PSEN2: variants seen among roughly 807,000 people sequenced by gnomAD.
PSEN2 encodes the protein presenilin-2.
A neutral mutation model predicts 49.1 loss-of-function variants in PSEN2; 32 were observed. The ratio of observed to expected loss-of-function variants is 0.65; its 90% CI spans 0.49 to 0.88. The LOEUF (loss-of-function observed/expected upper bound fraction) is 0.88, where lower values mean the gene tolerates loss of function less well. Ranked by LOEUF, PSEN2 falls within the 40% of genes least tolerant of loss-of-function variation. The pLI, the probability that PSEN2 is intolerant of heterozygous loss-of-function variation, is 0.00. For synonymous variants in PSEN2, 255 were observed against 244.0 expected (o/e 1.05, Z -0.42); for missense variants, 522 against 586.9 (o/e 0.89, Z 1.14).
rs117399735 is a variant in PSEN2, at chr1:226,889,841, T to G, written c.788-194T>G. On this transcript the variant is annotated intron_variant, in intron 8 of 12. Coordinates refer to ENST00000366783, the MANE Select transcript of PSEN2 (RefSeq NM_000447.3). ...GTGCACAGCTCCTCCATGCTTGCAG[T>G]TGCCTGCGAGGCCCTACTCTGGCTC... Among the ~76,000 whole-genome samples, 91 of 152,344 alleles carry G rather than the reference T, an allele frequency of 6.0e-4. 1 individual carries two copies. The East Asian group carries it at 0.016, about 27-fold the overall frequency.
At position 226,887,736 on chromosome 1, in the gene PSEN2, C is replaced by T. The variant is rs752290570; in HGVS notation, c.499-355C>T. Among the ~76,000 whole-genome samples, 28 of 152,172 alleles carry T rather than the reference C, an allele frequency of 1.8e-4. No individual in the cohort carries two copies. In the East Asian group the frequency reaches 2.1e-3, roughly 12 times the overall value. On this transcript the variant is annotated intron_variant, in intron 6 of 12. Transcript: ENST00000366783. Reference sequence around the variant, plus strand: ...ACCCCTCACACTGGAACACAATGCCCGTGGGCAGAGACTTTGCTAGCCTTG... The same window carrying T: ...ACCCCTCACACTGGAACACAATGCCTGTGGGCAGAGACTTTGCTAGCCTTG...
chr1:226,901,888 A>G (rs974088786), intron 12 of PSEN2, among the ~76,000 whole-genome samples: 3 of 152,220 alleles, frequency 2.0e-5, no homozygotes, highest in African/African-American at 7.2e-5. Flanking sequence ...AGGAAGGCCA[A>G]GGAAGAGTCT....
At position 226,891,838 on chromosome 1, in the gene PSEN2, G is replaced by A. The variant is rs1304206650; in HGVS notation, c.1066G>A (p.Glu356Lys). The A allele has an allele frequency of 6.2e-7, 1 of 1,613,952 alleles. No individual in the cohort carries two copies. The highest frequency in any genetic ancestry group is 2.2e-5 in the East Asian group (1 of 44,878). The change falls in exon 11 of 13, where the codon GAG becomes AAG. Residue 356 changes from glutamate to lysine, a missense_variant. Coordinates refer to ENST00000366783, the MANE Select transcript of PSEN2 (RefSeq NM_000447.3). Reference sequence around the variant, plus strand: ...CCCAGGGGAGGAGCTGGAGGAAGAGGAGGAAAGTAAGGTGCCCATGTTCAC... The same window carrying A: ...CCCAGGGGAGGAGCTGGAGGAAGAGAAGGAAAGTAAGGTGCCCATGTTCAC... ...GYPGEELEEE[E>K]ERGVKLGLGD...
chr1:226,897,447 G>C (rs1662187900), downstream of PSEN2: 1 of 154,694 alleles, frequency 6.5e-6, no homozygotes, highest in Non-Finnish European at 1.5e-5. Flanking sequence ...GTGATGGTTA[G>C]GGTGAAGTGT....
chr1:226,880,629 C>T (rs201788938), intron 3 of PSEN2: 38 of 1,612,520 alleles, frequency 2.4e-5, no homozygotes, highest in Non-Finnish European at 2.6e-5. Context: ...ATAACTCAGC[C>T]TCTGTCCCCG....
chr1:226,900,031 A>C (rs1202888343), downstream of PSEN2, among the ~76,000 whole-genome samples: 2 of 152,210 alleles, frequency 1.3e-5, no homozygotes, highest in Non-Finnish European at 2.9e-5. Context: ...ATACGTGGTT[A>C]TGGCGTGTCT....
intron 8 of PSEN2, among the ~76,000 whole-genome samples, chr1:226,889,809 G>GTC (rs2102686293): frequency 6.6e-6 from 1 of 152,314 alleles, no homozygotes; most frequent in South Asian, 2.1e-4. Context: ...TGGCCACCGC[G>GTC]TCTCGGGTGC....
chr1:226,881,807 C>A (rs542091913), intron 3 of PSEN2, 81 bp from the exon 4 acceptor site: 1 of 1,514,646 alleles, frequency 6.6e-7, no homozygotes, highest in Non-Finnish European at 9.2e-7. Flanking sequence ...GTCTCCAGGT[C>A]GCCTCCAGCC....
At chr1:226,902,008 G>A (rs912276616) in intron 12 of PSEN2, among the ~76,000 whole-genome samples, 2 of 152,318 alleles carry the variant, frequency 1.3e-5, no homozygotes, top group South Asian at 2.1e-4. Context: ...AGGTAGGGAA[G>A]GGGCCGCATC....
Position 226,880,545 on chromosome 1 carries a change from AGACAGCGATCACTCAGCCTCTG to A in PSEN2, c.-20-1289_-20-1268del, listed in dbSNP as rs1423439902. The A allele has an allele frequency of 1.0e-2, 10,953 of 1,098,928 alleles. 980 individuals carry two copies. In the African/African-American group the frequency reaches 0.18, roughly 18 times the overall value. The allele number at this position is 1,098,928 out of a possible 1,614,324, so 68.1% of individuals were successfully genotyped here. A position where few individuals can be genotyped will look rare whatever the true frequency, so the allele number is the denominator to read the frequency against. ...GACAGCGATCACTCAGCCTCTGGACAGACAGCGATCACTCAGCCTCTGGACAGCGATCACTCAGCCTCTGGAC... is the reference window on the plus strand; with the variant it reads ...GACAGCGATCACTCAGCCTCTGGACAGACAGCGATCACTCAGCCTCTGGAC... On this transcript the variant is annotated intron_variant, in intron 3 of 12. Transcript: ENST00000366783.
chr1:226,889,619 T>G (rs971547678), intron 8 of PSEN2, among the ~76,000 whole-genome samples: 2 of 152,246 alleles, frequency 1.3e-5, no homozygotes, highest in Admixed American at 6.5e-5. Context: ...AAGTGCACTG[T>G]TAAGCACTGG....
At chr1:226,895,161 C>G (rs1662049757) in intron 12 of PSEN2, among the ~76,000 whole-genome samples, 1 of 152,214 alleles carries the variant, frequency 6.6e-6, no homozygotes, top group African/African-American at 2.4e-5. Context: ...GCAGCACGGC[C>G]TCGGGGCACA....
intron 3 of PSEN2, among the ~76,000 whole-genome samples, chr1:226,878,232 A>C (rs953848485): frequency 6.6e-6 from 1 of 152,048 alleles, no homozygotes. Flanking sequence ...GGTGCCTGCC[A>C]CCATGTCCAG....
At position 226,888,825 on chromosome 1, in the gene PSEN2, G is replaced by A. The variant is rs1456846887; in HGVS notation, c.567-4G>A. 5 of 1,613,904 alleles carry A rather than the reference G, an allele frequency of 3.1e-6. No homozygotes were observed. The highest frequency in any genetic ancestry group is 4.2e-6 in the Non-Finnish European group (5 of 1,179,774). On this transcript the variant is annotated splice_region_variant and splice_polypyrimidine_tract_variant and intron_variant, in intron 7 of 12. Transcript: ENST00000366783. ...CAGTCACAGGCTCCACCTTGGTCCT[G>A]CAGGGAAGTGCTCAAGACCTACAAT...
chr1:226,886,538 G>T (rs1297297796), intron 6 of PSEN2, among the ~76,000 whole-genome samples: 1 of 152,202 alleles, frequency 6.6e-6, no homozygotes, highest in Non-Finnish European at 1.5e-5. Context: ...TTTTCTCCCA[G>T]GTAAGGGGTT....
Position 226,895,727 on chromosome 1 carries a change from C to CCAG in PSEN2, c.*150_*152dup. ...TTTACTTGGTGAGGAGGAGGCAGAACCAGCTCTTTGGTGCCAGCTGTTTCA... is the reference window on the plus strand; with the variant it reads ...TTTACTTGGTGAGGAGGAGGCAGAACCAGCAGCTCTTTGGTGCCAGCTGTTTCA... On this transcript the variant is annotated 3_prime_UTR_variant, in exon 13 of 13. Coordinates refer to ENST00000366783, the MANE Select transcript of PSEN2 (RefSeq NM_000447.3). 2 of 1,011,846 alleles carry CCAG rather than the reference C, an allele frequency of 2.0e-6. No individual in the cohort carries two copies. The highest frequency in any genetic ancestry group is 3.2e-5 in the South Asian group (2 of 61,662). The allele number at this position is 1,011,846 out of a possible 1,614,324, so 62.7% of individuals were successfully genotyped here.
downstream of PSEN2, among the ~76,000 whole-genome samples, chr1:226,901,151 A>C (rs1662302935): frequency 6.6e-6 from 1 of 152,074 alleles, no homozygotes; most frequent in Non-Finnish European, 1.5e-5. Flanking sequence ...AAAACACCCA[A>C]CAGGCTACGC....
rs1660268945 is a variant in PSEN2 at position 226,871,266 on chromosome 1, T to G, written c.-345T>G. 1 of 152,268 alleles carries G rather than the reference T, an allele frequency of 6.6e-6. No homozygotes were observed. Among genetic ancestry groups the G allele is most frequent in the Non-Finnish European group, 1.5e-5 (1 of 68,094 alleles). The allele number at this position is 152,268 out of a possible 1,614,324, so 9.4% of individuals were successfully genotyped here. The stretch of plus-strand genomic sequence containing the variant: ...GGTGTTTGGCTGTTTTATCAGGCAT[T>G]TCCAGCAGTGAGGAGACAGCCAGAA... On this transcript the variant is annotated 5_prime_UTR_variant, in exon 2 of 13. In the 5' UTR this introduces an upstream ATG that the reference lacks. Transcript: ENST00000366783.
rs201055590 is a variant in PSEN2 at position 226,889,043 on chromosome 1, G to C, written c.781G>C (p.Val261Leu). The C allele has an allele frequency of 7.3e-5, 117 of 1,613,336 alleles. 4 individuals carry two copies. In the South Asian group the frequency reaches 1.2e-3, roughly 17 times the overall value. ...GTGGGTCATCCTGGGCGCCATCTCT[G>C]TGTATGGTAGGTGGGCAGCAAGGCT... The part of the protein sequence containing the change: ...SAWVILGAIS[V>L]YDLVAVLCPK... Residue 261 changes from valine (V) to leucine (L), a missense_variant, in exon 8 of 13, where the codon GTG becomes CTG. Coordinates refer to ENST00000366783, the MANE Select transcript of PSEN2 (RefSeq NM_000447.3).
Sources: allele counts gnomAD v4.1 joint callset (sites outside exome capture counted in the v4.1 genomes callset), GRCh38; gene constraint gnomAD v4.1.1; transcripts MANE v1.5; gene names NCBI Gene and HGNC (gene_info 2026-07-23, HGNC 2026-07-21).